NR3C1: variants seen among roughly 807,000 people sequenced by gnomAD.
NR3C1 encodes glucocorticoid receptor.
NR3C1 carries 14 observed loss-of-function variants against 74.0 expected under a neutral mutation model. The observed-to-expected ratio is 0.19, with a 90% CI of 0.12 to 0.30. NR3C1 has a LOEUF of 0.30. Ranked by LOEUF, NR3C1 falls within the 10% of genes least tolerant of loss-of-function variation. The pLI is 1.00. For synonymous variants in NR3C1, 308 were observed against 332.5 expected (o/e 0.93, Z 0.80); for missense variants, 695 against 909.8 (o/e 0.76, Z 3.04).
rs530897697 is a variant in NR3C1, at chr5:143,391,964, C to CTTTT, written c.1184+7688_1184+7691dup. Among the ~76,000 whole-genome samples, 631 of 149,434 alleles carry CTTTT rather than the reference C, an allele frequency of 4.2e-3. 1 individual carries two copies. The highest frequency in any genetic ancestry group is 0.015 in the African/African-American group (599 of 40,734). On this transcript the variant is annotated intron_variant, in intron 2 of 8. Transcript: ENST00000394464. ...TTATAATGCTTTTTAATTTTCTTTT[C>CTTTT]TTTTTTTTTTCTTTTTTTTGAGACG...
intron 1 of NR3C1, among the ~76,000 whole-genome samples, chr5:143,429,045 C>T (rs550948732): frequency 4.6e-5 from 7 of 152,150 alleles, no homozygotes; most frequent in Admixed American, 1.3e-4. Flanking sequence ...GAACATGAAA[C>T]GGGAAGCTGA....
At chr5:143,405,199 G>A (rs1432660992), upstream of NR3C1, 15 of 985,552 alleles carry the variant, frequency 1.5e-5, no homozygotes, top group Non-Finnish European at 1.6e-5. Flanking sequence ...AGGTTGTGCT[G>A]TGTGGGTTTA....
chr5:143,394,956 G>C (rs1018805889), intron 2 of NR3C1, among the ~76,000 whole-genome samples: 3 of 151,848 alleles, frequency 2.0e-5, no homozygotes. Flanking sequence ...AACTCCACTG[G>C]AAATTCTGTA....
intron 1 of NR3C1, among the ~76,000 whole-genome samples, chr5:143,423,642 G>A (rs986145176): frequency 5.9e-5 from 9 of 152,064 alleles, no homozygotes; most frequent in Admixed American, 3.9e-4. Flanking sequence ...TCAGTATATC[G>A]AAGAGATATC....
chr5:143,380,065 G>A (rs183607928), intron 2 of NR3C1, among the ~76,000 whole-genome samples: 1 of 152,268 alleles, frequency 6.6e-6, no homozygotes, highest in African/African-American at 2.4e-5. Context: ...CACCCAGTAT[G>A]TTTGTTATAG....
At position 143,346,268 on chromosome 5, in the gene NR3C1, T is replaced by C. The variant is rs573898949; in HGVS notation, c.1185-32100A>G. On this transcript the variant is annotated intron_variant, in intron 2 of 8. Coordinates refer to ENST00000394464, the MANE Select transcript of NR3C1 (RefSeq NM_000176.3). ...TCATTGTGCCTCTTCTTCTCCTCCT[T>C]CGTAACAGGCTTAGAATTCCATGGT... is the stretch of plus-strand genomic sequence containing the variant. Among the ~76,000 whole-genome samples the C allele has an allele frequency of 4.6e-5, 7 of 152,262 alleles. No homozygotes were observed. In the East Asian group the frequency reaches 1.4e-3, roughly 29 times the overall value.
rs138959389 is a variant in NR3C1, at chr5:143,281,481, G to C, written c.*408C>G. ...CAAAAATGCTATCCTAACTATACAG[G>C]GGGGGGATACACCAACAGAAAGTCT... On this transcript the variant is annotated 3_prime_UTR_variant, in exon 9 of 9. Coordinates refer to ENST00000394464, the MANE Select transcript of NR3C1 (RefSeq NM_000176.3). 6.3e-4 allele frequency: 143 copies of C among 228,326 alleles called. No homozygotes were observed. The highest frequency in any genetic ancestry group is 2.6e-3 in the African/African-American group (109 of 42,522). 14.1% of individuals were successfully genotyped at this position (228,326 alleles called of 1,614,324 possible).
exon 1 of NR3C1, chr5:143,434,766 C>T (rs567309959): frequency 7.1e-6 from 7 of 985,426 alleles, no homozygotes; most frequent in Non-Finnish European, 8.4e-6. Flanking sequence ...AGAAGCTGGC[C>T]CCTTTCCTGG....
chr5:143,424,059 T>TGGGG (rs376236683), intron 1 of NR3C1, among the ~76,000 whole-genome samples: 1 of 108,648 alleles, frequency 9.2e-6, no homozygotes, highest in African/African-American at 4.0e-5. Context: ...CTGGGGACTG[T>TGGGG]TGTGGGGTGT....
intron 2 of NR3C1, among the ~76,000 whole-genome samples, chr5:143,336,626 T>G (rs150015955): frequency 1.0e-3 from 157 of 152,264 alleles, no homozygotes; most frequent in African/African-American, 3.6e-3. Context: ...GGTCAGACTA[T>G]GAGTGCCAAC....
At chr5:143,411,821 C>T (rs1277705245) in intron 1 of NR3C1, among the ~76,000 whole-genome samples, 3 of 152,020 alleles carry the variant, frequency 2.0e-5, no homozygotes, top group African/African-American at 4.8e-5. Context: ...TTGAAAAGCT[C>T]GTTCTGCTTG....
In NR3C1 at chr5:143,403,627, G is replaced by T. The variant is rs2151949694; in HGVS notation, c.-430C>A. 2.0e-6 allele frequency: 2 copies of T among 986,328 alleles called. No homozygotes were observed. The highest frequency in any genetic ancestry group is 2.4e-6 in the Non-Finnish European group (2 of 830,716). The allele number at this position is 986,328 out of a possible 1,614,324, so 61.1% of individuals were successfully genotyped here. ...CGGAGGGAAGAGAGCGCGGACACGCGAAAGGGCAGCCCGGCCTGGGCGAGC... is the reference window on the plus strand; with the variant it reads ...CGGAGGGAAGAGAGCGCGGACACGCTAAAGGGCAGCCCGGCCTGGGCGAGC... On this transcript the variant is annotated 5_prime_UTR_variant, in exon 1 of 9. Coordinates refer to ENST00000394464, the MANE Select transcript of NR3C1 (RefSeq NM_000176.3).
intron 5 of NR3C1, among the ~76,000 whole-genome samples, chr5:143,299,257 A>C (rs1817970096): frequency 6.7e-6 from 1 of 148,232 alleles, no homozygotes; most frequent in Non-Finnish European, 1.5e-5. Context: ...CAACTGATCC[A>C]CCCACCTGGG....
intron 2 of NR3C1, among the ~76,000 whole-genome samples, chr5:143,329,096 G>A (rs1206051668): frequency 6.6e-6 from 1 of 152,090 alleles, no homozygotes; most frequent in Non-Finnish European, 1.5e-5. Context: ...TCTGAGACTG[G>A]GTAATTTATA....
At chr5:143,294,992 C>G in intron 7 of NR3C1, 1 of 985,400 alleles carries the variant, frequency 1.0e-6, no homozygotes. Flanking sequence ...AATCCAGCTC[C>G]CATGCTATGT....
chr5:143,325,749 A>G (rs1414724822), intron 2 of NR3C1, among the ~76,000 whole-genome samples: 2 of 152,206 alleles, frequency 1.3e-5, no homozygotes, highest in Non-Finnish European at 2.9e-5. Flanking sequence ...GGTTTCAAGC[A>G]TACACTAGGG....
upstream of NR3C1, among the ~76,000 whole-genome samples, chr5:143,408,451 A>G (rs1028900101): frequency 2.0e-5 from 3 of 152,190 alleles, no homozygotes; most frequent in African/African-American, 7.2e-5. Flanking sequence ...TTTTTTAAAC[A>G]AAGTAGAACA....
intron 2 of NR3C1, among the ~76,000 whole-genome samples, chr5:143,396,886 G>A (rs540395004): frequency 1.1e-4 from 16 of 151,702 alleles, no homozygotes; most frequent in Middle Eastern, 3.2e-3. Context: ...ATGAAACAAG[G>A]CTGAAAATCA....
At chr5:143,377,509 A>G (rs1426628552) in intron 2 of NR3C1, among the ~76,000 whole-genome samples, 1 of 152,220 alleles carries the variant, frequency 6.6e-6, no homozygotes, top group East Asian at 1.9e-4. Flanking sequence ...GCTACAGTTA[A>G]TTGTTTCTTA....
Sources: allele counts gnomAD v4.1 joint callset (sites outside exome capture counted in the v4.1 genomes callset), GRCh38; gene constraint gnomAD v4.1.1; transcripts MANE v1.5; gene names NCBI Gene and HGNC (gene_info 2026-07-23, HGNC 2026-07-21).